The following RUFY4 variants were observed in gnomAD, a reference collection of about 807,000 sequenced individuals.
RUFY4 encodes the protein RUN and FYVE domain containing 4, also known as RUN and FYVE domain-containing protein 4.
A neutral mutation model predicts 69.0 loss-of-function variants in RUFY4; 73 were observed. That is an observed-to-expected ratio of 1.06 (90% CI 0.88 to 1.29). The LOEUF is 1.29. RUFY4 is among the 50% of genes most tolerant of loss of function. The probability of loss-of-function intolerance (pLI) is 0.00; values close to 1 mark genes in which losing one functional copy is unlikely to be tolerated. For missense variants in RUFY4, 770 were observed against 705.6 expected (o/e 1.09, Z -1.03); for synonymous variants, 287 against 271.8 (o/e 1.06, Z -0.55).
At position 218,070,498 on chromosome 2, in the gene RUFY4, A is replaced by T; in HGVS notation, c.-108A>T. 1 of 953,780 alleles carries T rather than the reference A, an allele frequency of 1.0e-6. No individual in the cohort carries two copies. The highest frequency in any genetic ancestry group is 1.6e-6 in the Non-Finnish European group (1 of 617,090). 59.1% of individuals were successfully genotyped at this position (953,780 alleles called of 1,614,324 possible). ...CCAAGATTAGTCACTTTCCCTCTGT[A>T]GGCTCTGCGTCCTGCTTTGTGTAAG... On this transcript the variant is annotated 5_prime_UTR_variant, in exon 1 of 11. Transcript: ENST00000344321.
chr2:218,067,099 C>T (rs955916329), upstream of RUFY4, among the ~76,000 whole-genome samples: 2 of 152,226 alleles, frequency 1.3e-5, no homozygotes, highest in Non-Finnish European at 2.9e-5. Context: ...AACTTCCTCC[C>T]GCTCTTTATC....
At chr2:218,051,316 T>C (rs1221568503) in intron 2 of RUFY4, among the ~76,000 whole-genome samples, 2 of 152,160 alleles carry the variant, frequency 1.3e-5, no homozygotes, top group East Asian at 1.9e-4. Context: ...TGTAAAAATA[T>C]GTTTTTAAGT....
intron 3 of RUFY4, among the ~76,000 whole-genome samples, chr2:218,061,684 T>C (rs991206354): frequency 6.6e-6 from 1 of 152,206 alleles, no homozygotes; most frequent in Non-Finnish European, 1.5e-5. Flanking sequence ...GCATTTCCCA[T>C]GACATCACAG....
At chr2:218,072,485 C>T (rs553025160) in exon 3 of RUFY4, 13 of 1,536,952 alleles carry the variant, frequency 8.5e-6, no homozygotes, top group Admixed American at 2.0e-5. Context: ...CCACTTTGTC[C>T]GTTCCCAGGA....
At chr2:218,046,669 G>A (rs1181783144) in intron 2 of RUFY4, among the ~76,000 whole-genome samples, 4 of 152,162 alleles carry the variant, frequency 2.6e-5, no homozygotes, top group Non-Finnish European at 5.9e-5. Context: ...GGAAATATGA[G>A]ACGTCTAGGA....
chr2:218,090,561 T>C (rs2106081269), exon 11 of RUFY4: 1 of 159,988 alleles, frequency 6.3e-6, no homozygotes, highest in South Asian at 1.7e-4. Context: ...TACTGACATA[T>C]GATAAACATC....
intron 7 of RUFY4, 132 bp downstream of exon 9, chr2:218,075,872 A>G: frequency 8.5e-6 from 8 of 938,334 alleles, no homozygotes; most frequent in Non-Finnish European, 1.2e-5. Flanking sequence ...CAGGATTATT[A>G]TTTGGGGATG....
chr2:218,089,459 TG>T, intron 10 of RUFY4, 97 bp downstream of exon 12: 1 of 1,025,094 alleles, frequency 9.8e-7, no homozygotes. Flanking sequence ...ACACAGGAAC[TG>T]GGTGTTTATA....
At chr2:218,083,958 C>T (rs1265384084) in intron 9 of RUFY4, among the ~76,000 whole-genome samples, 6 of 151,988 alleles carry the variant, frequency 3.9e-5, no homozygotes, top group Admixed American at 6.5e-5. Flanking sequence ...ACGTGTCCTA[C>T]ACCTGCCTGC....
intron 2 of RUFY4, among the ~76,000 whole-genome samples, chr2:218,036,410 T>C (rs1439217298): frequency 6.6e-6 from 1 of 152,024 alleles, no homozygotes; most frequent in Non-Finnish European, 1.5e-5. Flanking sequence ...GGAATCACAT[T>C]ATCTAGCATC....
At chr2:218,042,109 G>C (rs1189311761) in intron 2 of RUFY4, among the ~76,000 whole-genome samples, 1 of 152,206 alleles carries the variant, frequency 6.6e-6, no homozygotes, top group Non-Finnish European at 1.5e-5. Flanking sequence ...CATTTGATGA[G>C]TGAGTGGCTG....
At chr2:218,036,778 G>T (rs1490772467) in intron 2 of RUFY4, among the ~76,000 whole-genome samples, 1 of 152,254 alleles carries the variant, frequency 6.6e-6, no homozygotes, top group East Asian at 1.9e-4. Context: ...ACAGCGTGAA[G>T]TCATCAACTT....
At chr2:218,068,936 T>C (rs1358306765), upstream of RUFY4, 1 of 152,268 alleles carries the variant, frequency 6.6e-6, no homozygotes, top group African/African-American at 2.4e-5. Context: ...ACCACAGGAA[T>C]AGCAGCTGCG....
At chr2:218,062,770 CT>C (rs1208431277) in intron 3 of RUFY4, among the ~76,000 whole-genome samples, 2 of 152,192 alleles carry the variant, frequency 1.3e-5, no homozygotes, top group Non-Finnish European at 2.9e-5. Context: ...AGCAAGTGGG[CT>C]CCCTGATTCT....
chr2:218,063,917 G>C (rs1196842077), intron 3 of RUFY4, among the ~76,000 whole-genome samples: 1 of 152,096 alleles, frequency 6.6e-6, no homozygotes, highest in Admixed American at 6.6e-5. Context: ...CCAAACAAAA[G>C]TCCTTTCTGA....
chr2:218,036,770 A>C (rs1057002410), intron 2 of RUFY4, among the ~76,000 whole-genome samples: 5 of 152,270 alleles, frequency 3.3e-5, no homozygotes, highest in Non-Finnish European at 5.9e-5. Flanking sequence ...AGCTGTCCAC[A>C]GCGTGAAGTC....
intron 9 of RUFY4, among the ~76,000 whole-genome samples, chr2:218,087,541 A>G (rs991591836): frequency 1.3e-5 from 2 of 152,204 alleles, no homozygotes; most frequent in African/African-American, 4.8e-5. Flanking sequence ...AAAAATTACA[A>G]TGGTAGGCTA....
upstream of RUFY4, among the ~76,000 whole-genome samples, chr2:218,067,136 C>T (rs778681745): frequency 2.6e-5 from 4 of 152,250 alleles, no homozygotes; most frequent in Admixed American, 6.5e-5. Context: ...TCTCCGCATC[C>T]GGTCCTTTCT....
chr2:218,083,374 A>C, intron 9 of RUFY4, 118 bp downstream of exon 11: 1 of 1,313,340 alleles, frequency 7.6e-7, no homozygotes, highest in Non-Finnish European at 1.0e-6. Flanking sequence ...TAGACCTTTT[A>C]TATAAGCTAA....
Sources: gnomAD v4.1 joint callset for allele counts (sites outside exome capture counted in the v4.1 genomes callset) on GRCh38, gnomAD v4.1.1 for gene constraint, MANE v1.5 for transcripts, NCBI Gene and HGNC (gene_info 2026-07-23, HGNC 2026-07-21) for gene names.